Variants in SLC24A2 observed in about 807,000 individuals in gnomAD.
SLC24A2 encodes the protein sodium/potassium/calcium exchanger 2.
SLC24A2 carries 36 observed loss-of-function variants against 62.0 expected under a neutral mutation model. The ratio of observed to expected loss-of-function variants is 0.58; its 90% confidence interval spans 0.44 to 0.77. SLC24A2 has a LOEUF of 0.77. SLC24A2 is among the 30% of genes least tolerant of loss of function. The pLI is 0.00. For synonymous variants in SLC24A2, 358 were observed against 294.0 expected (o/e 1.22, Z -2.23); for missense variants, 846 against 817.9 (o/e 1.03, Z -0.42).
At chr9:20,207,899 G>T in the SLC24A2 span, among the ~76,000 whole-genome samples, 1 of 152,160 alleles carries the variant, frequency 6.6e-6, no homozygotes, top group South Asian at 2.1e-4. Context: ...CAGAGTTTGT[G>T]TTTATTTTTT....
the SLC24A2 span, among the ~76,000 whole-genome samples, chr9:20,079,304 T>A: frequency 6.6e-6 from 1 of 152,212 alleles, no homozygotes; most frequent in Non-Finnish European, 1.5e-5. Flanking sequence ...TAATTTGTTA[T>A]GACACCCCTA....
At chr9:19,672,069 A>G (rs1819434475) in intron 2 of SLC24A2, among the ~76,000 whole-genome samples, 1 of 146,458 alleles carries the variant, frequency 6.8e-6, no homozygotes, top group Non-Finnish European at 1.5e-5. Flanking sequence ...CCGGCTTCAC[A>G]GAATGATTTA....
chr9:20,234,070 C>T, the SLC24A2 span, among the ~76,000 whole-genome samples: 2 of 152,234 alleles, frequency 1.3e-5, no homozygotes, highest in Non-Finnish European at 2.9e-5. Flanking sequence ...TCTCTTCTGG[C>T]TTGGAGAGTT....
At chr9:20,029,510 A>C in the SLC24A2 span, among the ~76,000 whole-genome samples, 9 of 152,162 alleles carry the variant, frequency 5.9e-5, no homozygotes, top group South Asian at 8.3e-4. Flanking sequence ...CCATGCTCTT[A>C]TGGGTCTCTG....
the SLC24A2 span, among the ~76,000 whole-genome samples, chr9:20,062,302 A>C: frequency 0.53 from 79,136 of 150,512 alleles, 21,844 homozygotes; most frequent in East Asian, 0.78. Context: ...AGATATAGAT[A>C]AATGGAACAG....
chr9:19,681,584 G>T (rs1819724501), intron 2 of SLC24A2, among the ~76,000 whole-genome samples: 1 of 152,220 alleles, frequency 6.6e-6, no homozygotes, highest in South Asian at 2.1e-4. Flanking sequence ...AACCACCCAC[G>T]GTCCTGTGGA....
chr9:20,002,164 A>T, the SLC24A2 span, among the ~76,000 whole-genome samples: 3 of 152,158 alleles, frequency 2.0e-5, no homozygotes, highest in Admixed American at 1.3e-4. Context: ...GCTTGTCACC[A>T]CAAGATTTCA....
At chr9:19,579,491 G>C (rs1014263184) in intron 5 of SLC24A2, among the ~76,000 whole-genome samples, 1 of 152,156 alleles carries the variant, frequency 6.6e-6, no homozygotes, top group Admixed American at 6.5e-5. Flanking sequence ...AGGAGGTTCT[G>C]AAACTTTATT....
intron 2 of SLC24A2, among the ~76,000 whole-genome samples, chr9:19,771,927 AG>A (rs1485544305): frequency 2.0e-5 from 3 of 152,102 alleles, no homozygotes; most frequent in African/African-American, 7.3e-5. Context: ...GGGGGATAGA[AG>A]GTGGATGGGC....
At position 19,508,066 on chromosome 9, in the gene SLC24A2, A is replaced by C. The variant is rs1832569470; in HGVS notation, c.*8087T>G. 6.6e-6 allele frequency: 1 copy of C among 152,226 alleles called. No individual in the cohort carries two copies. The highest frequency in any genetic ancestry group is 1.5e-5 in the Non-Finnish European group (1 of 68,036). The allele number at this position is 152,226 out of a possible 1,614,324, so 9.4% of individuals were successfully genotyped here. ...TTTAGTGCTAGCAGCAACTTCACTG[A>C]ATCAGGAAGGTAGCTTTTGCTATTC... is the stretch of plus-strand genomic sequence containing the variant. On this transcript the variant is annotated 3_prime_UTR_variant, in exon 11 of 11. Coordinates refer to ENST00000341998, the MANE Select transcript of SLC24A2 (RefSeq NM_020344.4).
At chr9:19,795,133 G>T in the SLC24A2 span, among the ~76,000 whole-genome samples, 1 of 152,192 alleles carries the variant, frequency 6.6e-6, no homozygotes, top group South Asian at 2.1e-4. Context: ...CAGCTCGGTT[G>T]TGGAGAGGGG....
the SLC24A2 span, among the ~76,000 whole-genome samples, chr9:20,106,850 G>A: frequency 6.6e-6 from 1 of 152,076 alleles, no homozygotes; most frequent in South Asian, 2.1e-4. Context: ...TCTGGCCAGG[G>A]CAATTAGGCA....
the SLC24A2 span, among the ~76,000 whole-genome samples, chr9:20,150,515 A>C: frequency 1.3e-5 from 2 of 149,878 alleles, no homozygotes; most frequent in Admixed American, 1.3e-4. Context: ...AAACTGCTGG[A>C]ATCTTTCTAG....
chr9:19,650,644 A>C lies in SLC24A2; in HGVS notation c.931-28345T>G, dbSNP rs550720187. 6.6e-5 allele frequency among the ~76,000 whole-genome samples: 10 copies of C among 152,290 alleles called. No homozygotes were observed. The South Asian group carries it at 2.1e-3, about 32-fold the overall frequency. On this transcript the variant is annotated intron_variant, in intron 2 of 10. Transcript: ENST00000341998. The stretch of plus-strand genomic sequence containing the variant: ...TTGAAGCTGTGACCTTGGCCTCATT[A>C]AAACAGCAATGTTCTGGAGTGGATC...
At chr9:19,866,626 T>C in the SLC24A2 span, among the ~76,000 whole-genome samples, 105 of 2,306 alleles carry the variant, frequency 0.046, 1 homozygote, top group Non-Finnish European at 0.12. Context: ...ACGTTTTCAC[T>C]TTTTTTTTTT....
At chr9:19,738,087 C>T (rs980380062) in intron 2 of SLC24A2, among the ~76,000 whole-genome samples, 11 of 152,222 alleles carry the variant, frequency 7.2e-5, no homozygotes, top group South Asian at 2.1e-4. Context: ...GGAAAAAAAG[C>T]TCAGACCTAC....
the SLC24A2 span, among the ~76,000 whole-genome samples, chr9:19,866,177 T>A: frequency 6.6e-6 from 1 of 152,188 alleles, no homozygotes. Context: ...TAAAATGGCT[T>A]ATAGCCAAAA....
chr9:20,226,838 G>A, the SLC24A2 span, among the ~76,000 whole-genome samples: 1 of 152,290 alleles, frequency 6.6e-6, no homozygotes, highest in Admixed American at 6.5e-5. Context: ...CCCCTACGGG[G>A]AAACCTGACT....
chr9:19,730,034 T>C (rs181509633), intron 2 of SLC24A2, among the ~76,000 whole-genome samples: 26 of 151,960 alleles, frequency 1.7e-4, no homozygotes, highest in Admixed American at 1.3e-3. Flanking sequence ...TAAAAAAAAA[T>C]AGAAAAGTAC....
Sources: gnomAD v4.1 joint callset for allele counts (sites outside exome capture counted in the v4.1 genomes callset) on GRCh38, gnomAD v4.1.1 for gene constraint, MANE v1.5 for transcripts, NCBI Gene and HGNC (gene_info 2026-07-23, HGNC 2026-07-21) for gene names.